CEP95: variants seen among roughly 807,000 people sequenced by gnomAD.
The protein encoded by CEP95 is centrosomal protein 95.
Under a neutral mutation model 111.2 loss-of-function variants are expected in CEP95, and 98 were observed. The ratio of observed to expected loss-of-function variants is 0.88; its 90% confidence interval spans 0.75 to 1.04. The LOEUF is 1.04. Among genes scored for constraint, CEP95 ranks in the 50% least tolerant of loss-of-function variants. The pLI is 0.00. For synonymous variants in CEP95, 323 were observed against 327.1 expected (o/e 0.99, Z 0.14); for missense variants, 1,027 against 977.2 (o/e 1.05, Z -0.68).
chr17:64,508,480 C>A (rs1598169314), intron 1 of CEP95, 112 bp from the exon 2 acceptor site: 1 of 1,199,186 alleles, frequency 8.3e-7, no homozygotes. Flanking sequence ...TTATCTTCTG[C>A]AAAGTTCAGT....
At chr17:64,507,748 G>GA (rs1555673454) in intron 1 of CEP95, 1 of 985,590 alleles carries the variant, frequency 1.0e-6, no homozygotes, top group Non-Finnish European at 1.2e-6. Context: ...TATGTGCATG[G>GA]AAAATACACT....
chr17:64,534,720 A>G lies in CEP95; in HGVS notation c.2053A>G (p.Arg685Gly). Residue 685 changes from arginine (R) to glycine (G), a missense_variant, in exon 17 of 20, where the codon AGG becomes GGG. Transcript: ENST00000556440. The part of the protein sequence containing the change: ...VQLCAKMMRM[R>G]TREEMIFKKL... Reference sequence around the variant, plus strand: ...GTTGTGTGCAAAAATGATGAGAATGAGGACCCGGGAAGAAATGGTAAGTCT... The same window carrying G: ...GTTGTGTGCAAAAATGATGAGAATGGGGACCCGGGAAGAAATGGTAAGTCT... 1 of 1,612,176 alleles carries G rather than the reference A, an allele frequency of 6.2e-7. No homozygotes were observed. The highest frequency in any genetic ancestry group is 8.5e-7 in the Non-Finnish European group (1 of 1,179,002).
chr17:64,510,776 C>T (rs1230120666), intron 3 of CEP95, among the ~76,000 whole-genome samples: 1 of 152,176 alleles, frequency 6.6e-6, no homozygotes, highest in Non-Finnish European at 1.5e-5. Context: ...GTCTGGAACT[C>T]CTGGGCTCAG....
intron 9 of CEP95, 52 bp from the exon 10 acceptor site, chr17:64,526,019 T>C: frequency 6.3e-7 from 1 of 1,576,794 alleles, no homozygotes; most frequent in Non-Finnish European, 8.6e-7. Flanking sequence ...TATTTTAAAC[T>C]AAATAATAGA....
At position 64,533,099 on chromosome 17, in the gene CEP95, T is replaced by G; in HGVS notation, c.1843-18T>G. 1 of 1,606,838 alleles carries G rather than the reference T, an allele frequency of 6.2e-7. No individual in the cohort carries two copies. The highest frequency in any genetic ancestry group is 1.1e-5 in the South Asian group (1 of 89,612). On this transcript the variant is annotated intron_variant, in intron 15 of 19. Coordinates refer to ENST00000556440, the MANE Select transcript of CEP95 (RefSeq NM_138363.3). ...GAACAGCATTATTAACCTACTTAAC[T>G]TCATGTCCCCCTTCAAGATAGAAGA... is the stretch of plus-strand genomic sequence containing the variant.
At position 64,533,194 on chromosome 17, in the gene CEP95, ATG is replaced by A; in HGVS notation, c.1917+5_1917+6del. The A allele has an allele frequency of 6.3e-7, 1 of 1,579,962 alleles. No individual in the cohort carries two copies. Among genetic ancestry groups the A allele is most frequent in the Non-Finnish European group, 8.6e-7 (1 of 1,169,516 alleles). On this transcript the variant is annotated splice_donor_5th_base_variant and intron_variant, in intron 16 of 19. Coordinates refer to ENST00000556440, the MANE Select transcript of CEP95 (RefSeq NM_138363.3). Reference sequence around the variant, plus strand: ...AATATGAACATAACAAGAGACTGGTATGTCAAGAGCAAGTTGGGTATTATAAT... The same window carrying A: ...AATATGAACATAACAAGAGACTGGTATCAAGAGCAAGTTGGGTATTATAAT...
intron 10 of CEP95, among the ~76,000 whole-genome samples, chr17:64,526,542 T>G (rs1967836963): frequency 6.6e-6 from 1 of 152,240 alleles, no homozygotes; most frequent in African/African-American, 2.4e-5. Context: ...GGATCACTGA[T>G]TCTCACAAAA....
At chr17:64,523,641 C>G (rs949498789) in intron 8 of CEP95, among the ~76,000 whole-genome samples, 1 of 151,934 alleles carries the variant, frequency 6.6e-6, no homozygotes, top group Admixed American at 6.6e-5. Flanking sequence ...GGACTGGGTT[C>G]GGTGGCTCAC....
intron 6 of CEP95, 84 bp downstream of exon 6, chr17:64,519,520 G>A (rs1967147505): frequency 1.1e-6 from 1 of 931,592 alleles, no homozygotes; most frequent in African/African-American, 1.6e-5. Context: ...GTTTAAAATT[G>A]AGAAGAATAG....
In CEP95 at chr17:64,534,751, T is replaced by G. The variant is rs1968534082; in HGVS notation, c.2070+14T>G. 1 of 1,606,832 alleles carries G rather than the reference T, an allele frequency of 6.2e-7. No individual in the cohort carries two copies. The highest frequency in any genetic ancestry group is 1.3e-5 in the African/African-American group (1 of 74,970). ...CGGGAAGAAATGGTAAGTCTGACTT[T>G]TCTGTCCAGCCCTGTTAAGAAGGTG... On this transcript the variant is annotated intron_variant, in intron 17 of 19. Coordinates refer to ENST00000556440, the MANE Select transcript of CEP95 (RefSeq NM_138363.3).
At chr17:64,517,367 C>G (rs1325030400) in intron 5 of CEP95, among the ~76,000 whole-genome samples, 1 of 151,994 alleles carries the variant, frequency 6.6e-6, no homozygotes, top group Non-Finnish European at 1.5e-5. Flanking sequence ...TCTTAATCAT[C>G]AAAGTACGTC....
In CEP95 at chr17:64,507,000, G is replaced by T; in HGVS notation, c.-98G>T. On this transcript the variant is annotated 5_prime_UTR_variant, in exon 1 of 20. Transcript: ENST00000556440. ...TCCTTCCCCGCGCTTTGGTTCGTGC[G>T]TCCGCGCCCCAGTGTCGGGTCTGCG... The T allele has an allele frequency of 7.1e-7, 1 of 1,417,536 alleles. No homozygotes were observed. Among genetic ancestry groups the T allele is most frequent in the Admixed American group, 2.0e-5 (1 of 50,856 alleles). The allele number at this position is 1,417,536 out of a possible 1,614,324, so 87.8% of individuals were successfully genotyped here.
rs1460376883 is a variant in CEP95 at position 64,506,999 on chromosome 17, C to T, written c.-99C>T. The stretch of plus-strand genomic sequence containing the variant: ...CTCCTTCCCCGCGCTTTGGTTCGTG[C>T]GTCCGCGCCCCAGTGTCGGGTCTGC... On this transcript the variant is annotated 5_prime_UTR_variant, in exon 1 of 20. Coordinates refer to ENST00000556440, the MANE Select transcript of CEP95 (RefSeq NM_138363.3). 6 of 1,394,098 alleles carry T rather than the reference C, an allele frequency of 4.3e-6. No homozygotes were observed. In the Admixed American group the frequency reaches 5.9e-5, roughly 14 times the overall value. 86.4% of individuals were successfully genotyped at this position (1,394,098 alleles called of 1,614,324 possible). A position where few individuals can be genotyped will look rare whatever the true frequency, so the allele number is the denominator to read the frequency against.
intron 11 of CEP95, among the ~76,000 whole-genome samples, chr17:64,527,907 C>CAG (rs1261294159): frequency 1.3e-5 from 2 of 149,600 alleles, no homozygotes; most frequent in Non-Finnish European, 3.0e-5. Flanking sequence ...CACACACACA[C>CAG]GCGTGTAGCA....
chr17:64,509,081 A>C (rs543139492), intron 2 of CEP95, among the ~76,000 whole-genome samples: 3 of 152,258 alleles, frequency 2.0e-5, no homozygotes, highest in South Asian at 4.1e-4. Flanking sequence ...ATGTACCTTC[A>C]AAGGTTGTAA....
intron 19 of CEP95, 42 bp downstream of exon 19, chr17:64,537,154 A>T (rs543352989): frequency 6.3e-7 from 1 of 1,597,198 alleles, no homozygotes. Context: ...CTGCATGGCA[A>T]TGTTTCTTTC....
chr17:64,516,918 C>CA (rs1966901672), intron 5 of CEP95, 90 bp downstream of exon 5: 3 of 680,742 alleles, frequency 4.4e-6, no homozygotes, highest in South Asian at 2.3e-5. Context: ...AAGATGGCAC[C>CA]AAAAAAAGCT....
chr17:64,518,944 G>T (rs980645399), intron 5 of CEP95, among the ~76,000 whole-genome samples: 1 of 152,188 alleles, frequency 6.6e-6, no homozygotes, highest in African/African-American at 2.4e-5. Context: ...GCCTCCCAAA[G>T]TGCTAGGATT....
At chr17:64,522,950 G>C (rs1327279579) in intron 8 of CEP95, 55 bp downstream of exon 8, 5 of 1,334,008 alleles carry the variant, frequency 3.7e-6, no homozygotes, top group African/African-American at 2.9e-5. Flanking sequence ...ATGTATGTCT[G>C]TGTGTGTGTT....
Sources: allele counts gnomAD v4.1 joint callset (sites outside exome capture counted in the v4.1 genomes callset), GRCh38; gene constraint gnomAD v4.1.1; transcripts MANE v1.5; gene names NCBI Gene and HGNC (gene_info 2026-07-23, HGNC 2026-07-21).